Variants in RHBDD1 observed in about 807,000 individuals in gnomAD.
The protein encoded by RHBDD1 is rhomboid domain containing 1.
RHBDD1 carries 38 observed loss-of-function variants against 36.3 expected under a neutral mutation model. That is an observed-to-expected ratio of 1.05 (90% confidence interval 0.81 to 1.37). The LOEUF (loss-of-function observed/expected upper bound fraction) is 1.37, where lower values mean the gene tolerates loss of function less well. RHBDD1 is among the 40% of genes most tolerant of loss of function. The pLI, the probability that RHBDD1 is intolerant of heterozygous loss-of-function variation, is 0.00. For missense variants in RHBDD1, 393 were observed against 377.6 expected (o/e 1.04, Z -0.34); for synonymous variants, 151 against 136.5 (o/e 1.11, Z -0.74).
At chr2:226,841,974 TTAA>T (rs1941685823) in intron 3 of RHBDD1, among the ~76,000 whole-genome samples, 2 of 152,136 alleles carry the variant, frequency 1.3e-5, no homozygotes, top group Admixed American at 6.5e-5. Context: ...TTTTGACTTT[TTAA>T]TAATAGCCAT....
At chr2:226,950,401 G>A (rs538949465) in intron 8 of RHBDD1, among the ~76,000 whole-genome samples, 2 of 152,310 alleles carry the variant, frequency 1.3e-5, no homozygotes, top group Admixed American at 6.5e-5. Context: ...AGGCTGAATA[G>A]TATTCATTGT....
intron 8 of RHBDD1, among the ~76,000 whole-genome samples, chr2:226,957,344 G>T (rs1314110945): frequency 6.6e-6 from 1 of 152,130 alleles, no homozygotes; most frequent in Admixed American, 6.5e-5. Flanking sequence ...TAGGCACCAA[G>T]AGAATAACAA....
intron 5 of RHBDD1, among the ~76,000 whole-genome samples, chr2:226,872,265 A>G (rs1944853366): frequency 6.6e-6 from 1 of 152,234 alleles, no homozygotes; most frequent in Admixed American, 6.5e-5. Flanking sequence ...ACAGTTCATA[A>G]AATTTTAAGA....
chr2:226,909,734 G>A (rs983005567), intron 7 of RHBDD1, among the ~76,000 whole-genome samples: 8 of 152,090 alleles, frequency 5.3e-5, no homozygotes, highest in Admixed American at 3.3e-4. Flanking sequence ...GAAGAGGGTC[G>A]TCACCAGAAC....
the RHBDD1 span, among the ~76,000 whole-genome samples, chr2:226,823,066 CA>C: frequency 6.6e-6 from 1 of 152,148 alleles, no homozygotes; most frequent in African/African-American, 2.4e-5. Context: ...GCAGAGGTTG[CA>C]GTGAGCCAAG....
At chr2:226,952,265 C>T (rs564927591) in intron 8 of RHBDD1, among the ~76,000 whole-genome samples, 1 of 148,766 alleles carries the variant, frequency 6.7e-6, no homozygotes, top group East Asian at 2.0e-4. Context: ...GTGGGTGCTT[C>T]CTGTTTTTTT....
chr2:226,887,680 T>A (rs561586300), intron 5 of RHBDD1, among the ~76,000 whole-genome samples: 1 of 152,374 alleles, frequency 6.6e-6, no homozygotes, highest in African/African-American at 2.4e-5. Context: ...AATGCTCTTG[T>A]CAAACAGTAT....
Position 226,992,132 on chromosome 2 carries a change from G to A in RHBDD1, c.857-3299G>A, listed in dbSNP as rs541284514. ...AGAGGTAGTAGATCATATGACACAA[G>A]TGGAAACTATAGAAACAATTTGACA... is the stretch of plus-strand genomic sequence containing the variant. On this transcript the variant is annotated intron_variant, in intron 8 of 8. Coordinates refer to ENST00000392062, the MANE Select transcript of RHBDD1 (RefSeq NM_001167608.3). Among the ~76,000 whole-genome samples the A allele has an allele frequency of 7.2e-5, 11 of 152,304 alleles. No homozygotes were observed. The East Asian group carries it at 2.1e-3, about 29-fold the overall frequency.
At chr2:226,960,633 A>C (rs1952123642) in intron 8 of RHBDD1, among the ~76,000 whole-genome samples, 1 of 152,248 alleles carries the variant, frequency 6.6e-6, no homozygotes, top group Non-Finnish European at 1.5e-5. Flanking sequence ...AGGGGTTATC[A>C]ACTTATTTTA....
chr2:226,939,745 C>T (rs942122458), intron 8 of RHBDD1, among the ~76,000 whole-genome samples: 3 of 152,160 alleles, frequency 2.0e-5, no homozygotes, highest in African/African-American at 7.2e-5. Flanking sequence ...TGACATTTCT[C>T]ACAGAACTAG....
chr2:226,937,144 T>TA (rs1950383299), intron 8 of RHBDD1, among the ~76,000 whole-genome samples: 2 of 152,140 alleles, frequency 1.3e-5, no homozygotes, highest in African/African-American at 4.8e-5. Flanking sequence ...GAAGAAAACT[T>TA]ACTTTCTAGG....
chr2:226,858,371 T>C (rs1482398328), intron 3 of RHBDD1, among the ~76,000 whole-genome samples: 2 of 152,220 alleles, frequency 1.3e-5, no homozygotes, highest in Non-Finnish European at 2.9e-5. Context: ...GAATTTGTTA[T>C]ACTTTTAGTA....
At chr2:226,890,874 A>G (rs2125492986) in intron 5 of RHBDD1, among the ~76,000 whole-genome samples, 1 of 152,306 alleles carries the variant, frequency 6.6e-6, no homozygotes, top group Admixed American at 6.5e-5. Flanking sequence ...GATCAAAGAA[A>G]AGGACACTAT....
chr2:226,898,076 A>G (rs1445893032), intron 5 of RHBDD1, among the ~76,000 whole-genome samples: 1 of 152,222 alleles, frequency 6.6e-6, no homozygotes, highest in Non-Finnish European at 1.5e-5. Flanking sequence ...AAGGGAGGAC[A>G]TTAATCTATT....
At chr2:226,988,377 A>G (rs1957461115) in intron 8 of RHBDD1, 2 of 1,550,446 alleles carry the variant, frequency 1.3e-6, no homozygotes, top group Non-Finnish European at 1.7e-6. Flanking sequence ...CTGGACCCCA[A>G]GATAAAGGTC....
chr2:226,900,189 A>G (rs1947471911), intron 5 of RHBDD1, among the ~76,000 whole-genome samples: 1 of 152,172 alleles, frequency 6.6e-6, no homozygotes, highest in Non-Finnish European at 1.5e-5. Context: ...GCTTAAAGGT[A>G]CTTGGAATTT....
chr2:226,908,585 A>G, intron 6 of RHBDD1: 1 of 248,306 alleles, frequency 4.0e-6, no homozygotes, highest in Non-Finnish European at 6.9e-6. Context: ...TTTCCACTAC[A>G]CACACACACA....
chr2:226,833,355 A>G (rs965482367), upstream of RHBDD1, among the ~76,000 whole-genome samples: 9 of 152,246 alleles, frequency 5.9e-5, no homozygotes, highest in African/African-American at 2.2e-4. Flanking sequence ...CTGTCGTTGC[A>G]TGGTATTGTT....
chr2:226,912,734 A>G (rs1453828379), intron 7 of RHBDD1, among the ~76,000 whole-genome samples: 1 of 152,112 alleles, frequency 6.6e-6, no homozygotes, highest in African/African-American at 2.4e-5. Context: ...TTAGCTAAAG[A>G]GTACAGATTT....
Sources: gnomAD v4.1 joint callset for allele counts (sites outside exome capture counted in the v4.1 genomes callset) on GRCh38, gnomAD v4.1.1 for gene constraint, MANE v1.5 for transcripts, NCBI Gene and HGNC (gene_info 2026-07-23, HGNC 2026-07-21) for gene names.